Variants in SPDYC observed in about 807,000 individuals in gnomAD.
SPDYC encodes speedy/RINGO cell cycle regulator family member C.
In SPDYC, 25 loss-of-function variants were observed where a neutral mutation model predicts 33.9. The ratio of observed to expected loss-of-function variants is 0.74; its 90% CI spans 0.54 to 1.03. The LOEUF (loss-of-function observed/expected upper bound fraction) is 1.03. SPDYC is among the 50% of genes least tolerant of loss of function. The pLI, the probability that SPDYC is intolerant of heterozygous loss-of-function variation, is 0.00. For synonymous variants in SPDYC, 133 were observed against 140.2 expected (o/e 0.95, Z 0.36); for missense variants, 349 against 382.9 (o/e 0.91, Z 0.74).
At chr11:65,171,879 G>T (rs1948438682) in intron 2 of SPDYC, 64 bp from the exon 3 acceptor site, 1 of 1,478,488 alleles carries the variant, frequency 6.8e-7, no homozygotes, top group Non-Finnish European at 9.5e-7. Flanking sequence ...TGGAGCTTCT[G>T]ATGCCACTCT....
chr11:65,171,472 G>A (rs1263564055), exon 2 of SPDYC: 1 of 1,592,800 alleles, frequency 6.3e-7, no homozygotes, highest in South Asian at 1.1e-5. Flanking sequence ...CCAGCACCAG[G>A]AGGTCCAGGC....
At chr11:65,173,063 A>G in intron 6 of SPDYC, 49 bp downstream of exon 6, 1 of 1,600,726 alleles carries the variant, frequency 6.2e-7, no homozygotes, top group East Asian at 2.2e-5. Context: ...GGAGCTTGGG[A>G]GGCAGGAGTG....
intron 1 of SPDYC, 146 bp downstream of exon 1, chr11:65,170,407 G>C: frequency 1.4e-6 from 1 of 725,154 alleles, no homozygotes; most frequent in Non-Finnish European, 2.0e-6. Flanking sequence ...GTTTAGGACG[G>C]GAGCTTGAAA....
chr11:65,171,406 G>A (rs1360067912), exon 2 of SPDYC: 1 of 1,609,504 alleles, frequency 6.2e-7, no homozygotes, highest in East Asian at 2.3e-5. Flanking sequence ...TACCACCCAG[G>A]TAGAGCTGGG....
At position 65,172,002 on chromosome 11, in the gene SPDYC, G is replaced by A. The variant is rs530096296; in HGVS notation, c.258+1G>A. 5 of 1,614,058 alleles carry A rather than the reference G, an allele frequency of 3.1e-6. No homozygotes were observed. Among genetic ancestry groups the A allele is most frequent in the Admixed American group, 1.7e-5 (1 of 59,996 alleles). The stretch of plus-strand genomic sequence containing the variant: ...CCCCTGCTTCCAGATTTCAGATAAG[G>A]TGAGGGAGTACAGGCTGGGGGTCTC... On this transcript the variant is annotated splice_donor_variant, in intron 3 of 6. Coordinates refer to ENST00000377185, the Ensembl canonical transcript of SPDYC. LOFTEE classifies it high-confidence loss of function.
chr11:65,172,062 C>T (rs1948441728), intron 3 of SPDYC, 61 bp downstream of exon 3: 5 of 1,575,678 alleles, frequency 3.2e-6, no homozygotes, highest in Non-Finnish European at 4.4e-6. Context: ...GAATTGAGTG[C>T]CCTGGTCTGG....
At chr11:65,172,281 C>T (rs138896599) in exon 4 of SPDYC, 38 of 1,614,016 alleles carry the variant, frequency 2.4e-5, no homozygotes, top group African/African-American at 2.1e-4. Flanking sequence ...ACTTCCAGCG[C>T]GCCCACCTGA....
chr11:65,171,949 G>A, exon 3 of SPDYC: 1 of 1,614,174 alleles, frequency 6.2e-7, no homozygotes, highest in East Asian at 2.2e-5. Context: ...TCAGAGGACA[G>A]TTTTGTCCAG....
exon 2 of SPDYC, chr11:65,171,444 T>C: frequency 1.9e-6 from 3 of 1,599,746 alleles, no homozygotes; most frequent in Non-Finnish European, 1.7e-6. Context: ...GTGGGGGCAA[T>C]GGGTTCCTCC....
In SPDYC at chr11:65,171,668, A is replaced by G. The variant is rs148848876; in HGVS notation, c.199+169A>G. ...GGGTGTCCTCTCAGAAACTGGATTC[A>G]GGGCCAGGCACCGTGAGTCATACCT... On this transcript the variant is annotated intron_variant, in intron 2 of 6. Transcript: ENST00000377185. Among the ~76,000 whole-genome samples, 317 of 152,280 alleles carry G rather than the reference A, an allele frequency of 2.1e-3. 2 individuals are homozygous for G. The highest frequency in any genetic ancestry group is 7.0e-3 in the African/African-American group (291 of 41,556).
intron 3 of SPDYC, 75 bp downstream of exon 3, chr11:65,172,076 G>GGA (rs1170630321): frequency 6.5e-7 from 1 of 1,540,714 alleles, no homozygotes; most frequent in Non-Finnish European, 9.0e-7. Flanking sequence ...GGTCTGGTAG[G>GGA]GAGAGCCACT....
At chr11:65,172,188 G>T (rs1948443140) in intron 3 of SPDYC, 58 bp from the exon 4 acceptor site, 1 of 1,601,486 alleles carries the variant, frequency 6.2e-7, no homozygotes, top group East Asian at 2.2e-5. Context: ...ATGAACCTGG[G>T]TGCAAGCCCC....
chr11:65,170,282 A>G, intron 1 of SPDYC, 21 bp downstream of exon 1: 1 of 1,571,056 alleles, frequency 6.4e-7, no homozygotes, highest in Non-Finnish European at 8.6e-7. Flanking sequence ...CTGCAGGAGG[A>G]GGCTGGGTTG....
At chr11:65,173,363 A>T, downstream of SPDYC, 1 of 988,380 alleles carries the variant, frequency 1.0e-6, no homozygotes. Flanking sequence ...TGTCCACAGG[A>T]CACCAACTGT....
At chr11:65,172,220 C>T (rs775138704) in intron 3 of SPDYC, 26 bp from the exon 4 acceptor site, 4 of 1,613,050 alleles carry the variant, frequency 2.5e-6, no homozygotes, top group African/African-American at 2.7e-5. Context: ...GAATAACTAA[C>T]CCCCCACCCC....
chr11:65,170,397 G>A (rs73480914), intron 1 of SPDYC, 136 bp downstream of exon 1: 2 of 795,032 alleles, frequency 2.5e-6, no homozygotes, highest in African/African-American at 3.6e-5. Flanking sequence ...ATGAGGGTGG[G>A]TTTAGGACGG....
chr11:65,171,896 T>C (rs1420194340), intron 2 of SPDYC, 47 bp from the exon 3 acceptor site: 2 of 1,564,696 alleles, frequency 1.3e-6, no homozygotes, highest in Non-Finnish European at 1.8e-6. Flanking sequence ...CTCTTCTCCA[T>C]GGAGGTGGTG....
chr11:65,172,067 G>C (rs986803306), intron 3 of SPDYC, 66 bp downstream of exon 3: 15 of 1,564,982 alleles, frequency 9.6e-6, no homozygotes, highest in Admixed American at 5.0e-5. Context: ...GAGTGCCCTG[G>C]TCTGGTAGGG....
chr11:65,173,181 A>G lies in SPDYC; in HGVS notation c.848-2A>G, dbSNP rs746084065. On this transcript the variant is annotated splice_acceptor_variant, in intron 6 of 6. Transcript: ENST00000377185. LOFTEE classifies it high-confidence loss of function. The stretch of plus-strand genomic sequence containing the variant: ...CTGAGCCTCACTCTTTCCTCTCCCC[A>G]GTCTTCCCAAAGCCTCCGGCACGCC... The G allele has an allele frequency of 1.8e-5, 29 of 1,613,858 alleles. No homozygotes were observed. In the South Asian group the frequency reaches 3.2e-4, roughly 18 times the overall value.
Sources: allele counts gnomAD v4.1 joint callset (sites outside exome capture counted in the v4.1 genomes callset), GRCh38; gene constraint gnomAD v4.1.1; transcripts MANE v1.5; gene names NCBI Gene and HGNC (gene_info 2026-07-23, HGNC 2026-07-21).